Variants in MMP26 observed in about 807,000 individuals in gnomAD.
MMP26 encodes the protein matrix metalloproteinase-26.
A neutral mutation model predicts 31.0 loss-of-function variants in MMP26; 33 were observed. The ratio of observed to expected loss-of-function variants is 1.06; its 90% confidence interval spans 0.81 to 1.42. The LOEUF (loss-of-function observed/expected upper bound fraction) is 1.42, where lower values mean the gene tolerates loss of function less well. Ranked by LOEUF, MMP26 falls within the 40% of genes most tolerant of loss-of-function variation. The pLI, the probability that MMP26 is intolerant of heterozygous loss-of-function variation, is 0.00. For missense variants in MMP26, 347 were observed against 316.1 expected (o/e 1.10, Z -0.74); for synonymous variants, 122 against 114.9 (o/e 1.06, Z -0.40).
chr11:4,989,233 G>A (rs542750484), intron 3 of MMP26, among the ~76,000 whole-genome samples: 30 of 152,244 alleles, frequency 2.0e-4, no homozygotes, highest in African/African-American at 7.0e-4. Context: ...AAATGAAATG[G>A]GGAATGCAGA....
intron 2 of MMP26, among the ~76,000 whole-genome samples, chr11:4,826,294 G>A (rs1200879186): frequency 6.6e-6 from 1 of 152,040 alleles, no homozygotes; most frequent in Non-Finnish European, 1.5e-5. Flanking sequence ...TTCCATGTGT[G>A]GCTGTACCTG....
At chr11:4,742,827 A>G (rs182863175) in intron 1 of MMP26, among the ~76,000 whole-genome samples, 183 of 152,270 alleles carry the variant, frequency 1.2e-3, no homozygotes, top group African/African-American at 4.4e-3. Flanking sequence ...ATAGAATCCT[A>G]CAATGTGTCA....
rs1192202213 is a variant in MMP26 at position 4,704,870 on chromosome 11, G to C, written c.-392G>C. 6.6e-6 allele frequency: 1 copy of C among 152,192 alleles called. No homozygotes were observed. The highest frequency in any genetic ancestry group is 2.4e-5 in the African/African-American group (1 of 41,450). The allele number at this position is 152,192 out of a possible 1,614,324, so 9.4% of individuals were successfully genotyped here. A position where few individuals can be genotyped will look rare whatever the true frequency, so the allele number is the denominator to read the frequency against. ...CCAGGGGCAGGGCTGATCAGGGGCT[G>C]ATTCCGCAGCTATAGTAGTACAGAA... On this transcript the variant is annotated 5_prime_UTR_variant, in exon 1 of 8. An upstream open reading frame in the 5' UTR loses its in-frame stop. Coordinates refer to ENST00000380390, the MANE Select transcript of MMP26 (RefSeq NM_021801.5).
At chr11:4,972,989 T>A (rs1424770819) in intron 2 of MMP26, 4 of 152,734 alleles carry the variant, frequency 2.6e-5, no homozygotes, top group Admixed American at 1.3e-4. Context: ...ATTTCTTATC[T>A]GCTGGCTCTT....
At chr11:4,990,850 G>A in intron 5 of MMP26, 104 bp downstream of exon 5, 4 of 1,286,142 alleles carry the variant, frequency 3.1e-6, no homozygotes, top group Non-Finnish European at 4.2e-6. Flanking sequence ...AAGTTTCTGA[G>A]AAAAAAAGTC....
At chr11:4,709,911 T>C (rs1847836532) in intron 1 of MMP26, 1 of 457,002 alleles carries the variant, frequency 2.2e-6, no homozygotes, top group Non-Finnish European at 4.4e-6. Context: ...CATGGAGTCC[T>C]CAGTACTTTT....
intron 2 of MMP26, among the ~76,000 whole-genome samples, chr11:4,950,181 C>CA (rs777271352): frequency 8.2e-6 from 1 of 122,662 alleles, no homozygotes; most frequent in African/African-American, 2.7e-5. Flanking sequence ...CAAGGTAAAA[C>CA]AAAAAATCTT....
At chr11:4,920,946 A>G (rs932599937) in intron 2 of MMP26, among the ~76,000 whole-genome samples, 3 of 152,214 alleles carry the variant, frequency 2.0e-5, no homozygotes, top group Non-Finnish European at 4.4e-5. Context: ...TTGAGTGTTT[A>G]CTTAGACATA....
intron 1 of MMP26, among the ~76,000 whole-genome samples, chr11:4,765,951 A>G (rs1848622837): frequency 6.6e-6 from 1 of 152,172 alleles, no homozygotes; most frequent in South Asian, 2.1e-4. Flanking sequence ...CACTTTTTCT[A>G]GCTAATTGTC....
intron 2 of MMP26, among the ~76,000 whole-genome samples, chr11:4,958,189 C>G (rs1277415815): frequency 6.6e-6 from 1 of 152,178 alleles, no homozygotes; most frequent in Non-Finnish European, 1.5e-5. Flanking sequence ...TCCTATCCCC[C>G]CTTCCTCTTC....
At chr11:4,731,423 T>C (rs964903737) in intron 1 of MMP26, among the ~76,000 whole-genome samples, 1 of 152,156 alleles carries the variant, frequency 6.6e-6, no homozygotes, top group African/African-American at 2.4e-5. Flanking sequence ...CTCATTTGTG[T>C]AAGTTTTTTC....
chr11:4,793,033 C>T (rs571560854), intron 2 of MMP26, among the ~76,000 whole-genome samples: 1 of 152,256 alleles, frequency 6.6e-6, no homozygotes, highest in African/African-American at 2.4e-5. Flanking sequence ...ATTTAAGTGA[C>T]CTATCTTACT....
At chr11:4,938,054 GT>G (rs1478363231) in intron 2 of MMP26, 1 of 152,184 alleles carries the variant, frequency 6.6e-6, no homozygotes, top group Non-Finnish European at 1.5e-5. Context: ...AAAGTGATGG[GT>G]AAGGAAGACA....
intron 1 of MMP26, among the ~76,000 whole-genome samples, chr11:4,750,907 A>C (rs541898886): frequency 1.3e-5 from 2 of 150,228 alleles, no homozygotes; most frequent in East Asian, 3.9e-4. Flanking sequence ...TTTGCCCCCT[A>C]AATCTATTTT....
chr11:4,758,874 A>G (rs10836585), intron 1 of MMP26, among the ~76,000 whole-genome samples: 46,127 of 151,856 alleles, frequency 0.3, 8,137 homozygotes, highest in African/African-American at 0.47. Flanking sequence ...CACTTTGGGA[A>G]GACGAGGCGG....
chr11:4,815,168 CACTT>C (rs1344199835), intron 2 of MMP26, among the ~76,000 whole-genome samples: 1 of 152,162 alleles, frequency 6.6e-6, no homozygotes, highest in Non-Finnish European at 1.5e-5. Context: ...GAGAAGTAGT[CACTT>C]ATGCCTTAGT....
chr11:4,794,015 T>C (rs1270413356), intron 2 of MMP26: 1 of 152,178 alleles, frequency 6.6e-6, no homozygotes, highest in Admixed American at 6.5e-5. Flanking sequence ...GCAGAGATTC[T>C]CTGCAGGTAG....
chr11:4,738,110 A>G (rs1205358939), intron 1 of MMP26, among the ~76,000 whole-genome samples: 3 of 152,194 alleles, frequency 2.0e-5, no homozygotes, highest in Non-Finnish European at 4.4e-5. Context: ...TTTTAAAACA[A>G]GAATTCCACT....
At chr11:4,791,501 T>C (rs1369838953) in intron 2 of MMP26, among the ~76,000 whole-genome samples, 1 of 152,176 alleles carries the variant, frequency 6.6e-6, no homozygotes, top group East Asian at 1.9e-4. Context: ...CTAGGTCTAG[T>C]GCAAAGCAGC....
Sources: gnomAD v4.1 joint callset for allele counts (sites outside exome capture counted in the v4.1 genomes callset) on GRCh38, gnomAD v4.1.1 for gene constraint, MANE v1.5 for transcripts, NCBI Gene and HGNC (gene_info 2026-07-23, HGNC 2026-07-21) for gene names.